SYNPO2: variants seen among roughly 807,000 people sequenced by gnomAD.
SYNPO2 encodes the protein synaptopodin 2.
In SYNPO2, 56 loss-of-function variants were observed where a neutral mutation model predicts 85.0. The observed-to-expected ratio is 0.66, with a 90% CI of 0.53 to 0.82. The LOEUF is 0.82. Among genes scored for constraint, SYNPO2 ranks in the 40% least tolerant of loss-of-function variants. The probability of loss-of-function intolerance (pLI) is 0.00; values close to 1 mark genes in which losing one functional copy is unlikely to be tolerated. For synonymous variants in SYNPO2, 602 were observed against 591.1 expected, an observed-to-expected ratio of 1.02 and a Z score of -0.27; for missense variants, 1,575 against 1,534.2, an observed-to-expected ratio of 1.03 and a Z score of -0.44.
intron 1 of SYNPO2, among the ~76,000 whole-genome samples, chr4:118,939,406 G>A (rs910429517): frequency 5.9e-5 from 9 of 152,212 alleles, no homozygotes; most frequent in South Asian, 2.1e-4. Flanking sequence ...GGAACTTGGC[G>A]TTGGTGGCAT....
chr4:118,891,436 C>G (rs932618652), intron 1 of SYNPO2, among the ~76,000 whole-genome samples: 1 of 152,122 alleles, frequency 6.6e-6, no homozygotes. Context: ...GATGTAAGTT[C>G]TAAATTACTG....
At chr4:118,988,610 A>G (rs938027026) in intron 1 of SYNPO2, among the ~76,000 whole-genome samples, 14 of 152,212 alleles carry the variant, frequency 9.2e-5, no homozygotes, top group Non-Finnish European at 1.9e-4. Context: ...TCTGAAAAAC[A>G]TTTGTGAAAA....
chr4:119,041,148 C>T (rs1462540051), intron 4 of SYNPO2, among the ~76,000 whole-genome samples: 1 of 152,130 alleles, frequency 6.6e-6, no homozygotes, highest in Admixed American at 6.5e-5. Context: ...CAAGACTCAT[C>T]TTGAAGATAA....
intron 1 of SYNPO2, among the ~76,000 whole-genome samples, chr4:118,857,851 G>A (rs1435523262): frequency 6.6e-6 from 1 of 152,114 alleles, no homozygotes; most frequent in Non-Finnish European, 1.5e-5. Context: ...GCTTTTTAAA[G>A]GGGATTCTTG....
At chr4:119,036,780 A>G in intron 4 of SYNPO2, 9 of 1,001,720 alleles carry the variant, frequency 9.0e-6, no homozygotes, top group Non-Finnish European at 9.5e-6. Context: ...GTATATTTGT[A>G]CACCTAACTA....
At chr4:118,942,902 T>A (rs1206743454) in intron 1 of SYNPO2, among the ~76,000 whole-genome samples, 3 of 151,892 alleles carry the variant, frequency 2.0e-5, no homozygotes, top group Non-Finnish European at 4.4e-5. Flanking sequence ...AGGTCAGGAG[T>A]TCGAGACCAT....
intron 1 of SYNPO2, among the ~76,000 whole-genome samples, chr4:119,016,784 C>T (rs898377669): frequency 6.6e-6 from 1 of 152,166 alleles, no homozygotes; most frequent in African/African-American, 2.4e-5. Flanking sequence ...AGTTTTCTAG[C>T]ATCATGATGG....
intron 1 of SYNPO2, among the ~76,000 whole-genome samples, chr4:118,900,703 C>CTCTCTCTCTATATATATATATATA (rs1277981772): frequency 2.3e-5 from 1 of 43,896 alleles, no homozygotes. Flanking sequence ...CTCTCTCTCT[C>CTCTCTCTCTATATATATATATATA]TATATATATA....
intron 1 of SYNPO2, among the ~76,000 whole-genome samples, chr4:118,879,050 A>G (rs1732000464): frequency 6.6e-6 from 1 of 152,132 alleles, no homozygotes; most frequent in East Asian, 1.9e-4. Context: ...CGGAGGCACC[A>G]CCTTTAAGAG....
At chr4:118,871,780 A>G (rs1482367432) in intron 1 of SYNPO2, among the ~76,000 whole-genome samples, 5 of 152,140 alleles carry the variant, frequency 3.3e-5, no homozygotes, top group Admixed American at 1.3e-4. Context: ...ATTGTTAGCC[A>G]GGATGATCTC....
At chr4:118,893,038 G>T (rs1732427889) in intron 1 of SYNPO2, among the ~76,000 whole-genome samples, 1 of 152,080 alleles carries the variant, frequency 6.6e-6, no homozygotes, top group South Asian at 2.1e-4. Context: ...GGGGGAAAAA[G>T]ATTTTAATGT....
intron 1 of SYNPO2, among the ~76,000 whole-genome samples, chr4:118,896,488 A>G (rs1732554041): frequency 6.6e-6 from 1 of 152,254 alleles, no homozygotes. Flanking sequence ...AATTCTGAAG[A>G]GTAAACACCT....
chr4:118,903,409 T>C (rs753806785), intron 1 of SYNPO2, among the ~76,000 whole-genome samples: 1 of 152,150 alleles, frequency 6.6e-6, no homozygotes, highest in Non-Finnish European at 1.5e-5. Context: ...AAGGAGGAAG[T>C]AACTGTCTTC....
At chr4:119,044,784 T>A (rs960180323) in intron 4 of SYNPO2, among the ~76,000 whole-genome samples, 1 of 152,234 alleles carries the variant, frequency 6.6e-6, no homozygotes, top group African/African-American at 2.4e-5. Context: ...AGGTTCCATT[T>A]AATAAGCTTA....
chr4:118,912,709 A>G (rs546721775), intron 1 of SYNPO2, among the ~76,000 whole-genome samples: 1 of 152,260 alleles, frequency 6.6e-6, no homozygotes, highest in Non-Finnish European at 1.5e-5. Flanking sequence ...CAAAATCCAC[A>G]TTTAATTTAA....
At chr4:119,037,347 T>A (rs948961669) in intron 4 of SYNPO2, 11 of 1,251,908 alleles carry the variant, frequency 8.8e-6, no homozygotes, top group Non-Finnish European at 1.0e-5. Flanking sequence ...GTTGAAAAAA[T>A]TTCAAAAATC....
At chr4:118,960,659 CAAACTT>C in intron 1 of SYNPO2, among the ~76,000 whole-genome samples, 1 of 152,180 alleles carries the variant, frequency 6.6e-6, no homozygotes, top group South Asian at 2.1e-4. Flanking sequence ...ATGGGCGTCT[CAAACTT>C]AATATGGCTA....
At chr4:118,936,491 A>G (rs539295416) in intron 1 of SYNPO2, among the ~76,000 whole-genome samples, 1 of 152,288 alleles carries the variant, frequency 6.6e-6, no homozygotes, top group South Asian at 2.1e-4. Context: ...AAAGAGAAAG[A>G]ATTCCATCAA....
chr4:118,991,303 G>T (rs1022213528), intron 1 of SYNPO2, among the ~76,000 whole-genome samples: 2 of 151,848 alleles, frequency 1.3e-5, no homozygotes, highest in African/African-American at 4.8e-5. Context: ...ACGCACCACC[G>T]CACCTGGCTA....
Sources: gnomAD v4.1 joint callset for allele counts (sites outside exome capture counted in the v4.1 genomes callset) on GRCh38, gnomAD v4.1.1 for gene constraint, MANE v1.5 for transcripts, NCBI Gene and HGNC (gene_info 2026-07-23, HGNC 2026-07-21) for gene names.